Variants in KCNH1 observed in about 807,000 individuals in gnomAD.
KCNH1 encodes the protein voltage-gated delayed rectifier potassium channel KCNH1.
A neutral mutation model predicts 69.2 loss-of-function variants in KCNH1; 27 were observed. The ratio of observed to expected loss-of-function variants is 0.39; its 90% confidence interval spans 0.29 to 0.54. The LOEUF (loss-of-function observed/expected upper bound fraction) is 0.54, where lower values mean the gene tolerates loss of function less well. Ranked by LOEUF, KCNH1 falls within the 20% of genes least tolerant of loss-of-function variation. The pLI is 0.68. For missense variants in KCNH1, 798 were observed against 1,261.6 expected, an observed-to-expected ratio of 0.63 and a Z score of 5.57; for synonymous variants, 456 against 487.7, an observed-to-expected ratio of 0.93 and a Z score of 0.86.
chr1:210,890,253 A>G (rs909412311), intron 7 of KCNH1, among the ~76,000 whole-genome samples: 2 of 152,180 alleles, frequency 1.3e-5, no homozygotes, highest in African/African-American at 4.8e-5. Context: ...ATCTACAACC[A>G]TCTGATCATT....
At chr1:210,936,045 A>T (rs1687769399) in intron 6 of KCNH1, among the ~76,000 whole-genome samples, 1 of 152,274 alleles carries the variant, frequency 6.6e-6, no homozygotes, top group Non-Finnish European at 1.5e-5. Context: ...TAGACAGGGA[A>T]ATAACAGTCA....
chr1:211,071,883 G>A (rs1303020318), intron 5 of KCNH1, among the ~76,000 whole-genome samples: 1 of 152,088 alleles, frequency 6.6e-6, no homozygotes, highest in African/African-American at 2.4e-5. Flanking sequence ...CAGAAACCAT[G>A]CAAGCAAGAA....
intron 6 of KCNH1, among the ~76,000 whole-genome samples, chr1:210,960,890 TC>T (rs1203847941): frequency 6.6e-6 from 1 of 152,222 alleles, no homozygotes; most frequent in African/African-American, 2.4e-5. Flanking sequence ...GAGTTCTGGT[TC>T]CTCCATATCA....
intron 7 of KCNH1, among the ~76,000 whole-genome samples, chr1:210,842,896 T>A (rs1685440389): frequency 6.6e-6 from 1 of 152,164 alleles, no homozygotes. Flanking sequence ...ACAGCATACA[T>A]CTGTGAGACA....
intron 10 of KCNH1, among the ~76,000 whole-genome samples, chr1:210,719,211 A>G (rs1435018667): frequency 1.3e-5 from 2 of 152,200 alleles, no homozygotes; most frequent in East Asian, 3.9e-4. Context: ...CAGTGCAAAT[A>G]TATTTCCATC....
chr1:210,855,949 A>T (rs1221084635), intron 7 of KCNH1, among the ~76,000 whole-genome samples: 4 of 152,164 alleles, frequency 2.6e-5, no homozygotes, highest in Non-Finnish European at 5.9e-5. Context: ...TTAATATGCC[A>T]CCTGGCTAGC....
intron 10 of KCNH1, among the ~76,000 whole-genome samples, chr1:210,713,697 G>A (rs1040845015): frequency 6.6e-6 from 1 of 152,150 alleles, no homozygotes; most frequent in African/African-American, 2.4e-5. Context: ...TTCATTTTCA[G>A]CCCCAATAAG....
chr1:210,812,475 C>T (rs1684725284), intron 7 of KCNH1, among the ~76,000 whole-genome samples: 1 of 152,198 alleles, frequency 6.6e-6, no homozygotes, highest in Admixed American at 6.5e-5. Context: ...ATTAAGATTA[C>T]ACCTTACTGC....
intron 6 of KCNH1, among the ~76,000 whole-genome samples, chr1:211,016,867 C>G (rs1448912404): frequency 7.6e-6 from 1 of 132,432 alleles, no homozygotes; most frequent in African/African-American, 3.0e-5. Context: ...TGAGATCACA[C>G]CACGACATTC....
intron 7 of KCNH1, among the ~76,000 whole-genome samples, chr1:210,820,348 C>A (rs1260420209): frequency 2.0e-5 from 3 of 152,062 alleles, no homozygotes; most frequent in African/African-American, 7.2e-5. Flanking sequence ...GTAGAAGGAA[C>A]TTTGTGGCCG....
At chr1:210,730,658 G>C (rs1311314531) in intron 10 of KCNH1, among the ~76,000 whole-genome samples, 1 of 152,080 alleles carries the variant, frequency 6.6e-6, no homozygotes, top group Non-Finnish European at 1.5e-5. Context: ...GTGGGAGTCT[G>C]AGCGCACGGG....
intron 5 of KCNH1, among the ~76,000 whole-genome samples, chr1:211,027,539 G>A (rs561258002): frequency 2.5e-4 from 38 of 152,078 alleles, no homozygotes; most frequent in African/African-American, 9.2e-4. Context: ...AGGCGGTTGA[G>A]GCAGGAGTGA....
intron 6 of KCNH1, among the ~76,000 whole-genome samples, chr1:211,008,621 T>C (rs1026775106): frequency 2.6e-5 from 4 of 152,220 alleles, no homozygotes; most frequent in African/African-American, 9.6e-5. Context: ...GTAAAACTAA[T>C]CTATGGCGAT....
intron 5 of KCNH1, among the ~76,000 whole-genome samples, chr1:211,052,472 G>T (rs1690225626): frequency 6.6e-6 from 1 of 152,194 alleles, no homozygotes; most frequent in South Asian, 2.1e-4. Context: ...TACAGTAGAA[G>T]CTCCTGTTGC....
chr1:211,080,261 G>A (rs2102465148), intron 5 of KCNH1, among the ~76,000 whole-genome samples: 1 of 152,216 alleles, frequency 6.6e-6, no homozygotes, highest in South Asian at 2.1e-4. Context: ...CAACTTACAA[G>A]GGATGTGAAG....
At chr1:210,967,893 T>C (rs1688437770) in intron 6 of KCNH1, among the ~76,000 whole-genome samples, 1 of 152,026 alleles carries the variant, frequency 6.6e-6, no homozygotes, top group Admixed American at 6.6e-5. Context: ...ATACTTTAAG[T>C]TTTAGGGTAC....
At chr1:210,893,450 T>G (rs1193207986) in intron 7 of KCNH1, among the ~76,000 whole-genome samples, 1 of 152,094 alleles carries the variant, frequency 6.6e-6, no homozygotes, top group African/African-American at 2.4e-5. Context: ...TTTTTATCAC[T>G]GATTTTGAAA....
At chr1:211,011,646 A>G (rs1309976775) in intron 6 of KCNH1, among the ~76,000 whole-genome samples, 2 of 152,074 alleles carry the variant, frequency 1.3e-5, no homozygotes, top group Non-Finnish European at 2.9e-5. Flanking sequence ...TCACAGTTTC[A>G]CGGTTAATCA....
chr1:210,712,298 A>T (rs1682097916), intron 10 of KCNH1, among the ~76,000 whole-genome samples: 2 of 152,228 alleles, frequency 1.3e-5, no homozygotes, highest in African/African-American at 4.8e-5. Context: ...AAACAAGGCA[A>T]GGGTCATTGA....
Sources: gnomAD v4.1 joint callset for allele counts (sites outside exome capture counted in the v4.1 genomes callset) on GRCh38, gnomAD v4.1.1 for gene constraint, MANE v1.5 for transcripts, NCBI Gene and HGNC (gene_info 2026-07-23, HGNC 2026-07-21) for gene names.